The following PTP4A1 variants were observed in gnomAD, a reference collection of about 807,000 sequenced individuals.
The protein encoded by PTP4A1 is protein tyrosine phosphatase 4A1, also known as protein tyrosine phosphatase type IVA 1.
PTP4A1 carries 9 observed loss-of-function variants against 20.5 expected under a neutral mutation model. The observed-to-expected ratio is 0.44, with a 90% CI of 0.26 to 0.77. The LOEUF (loss-of-function observed/expected upper bound fraction) is 0.77, where lower values mean the gene tolerates loss of function less well. PTP4A1 is among the 30% of genes least tolerant of loss of function. The pLI, the probability that PTP4A1 is intolerant of heterozygous loss-of-function variation, is 0.19. For missense variants in PTP4A1, 137 were observed against 218.8 expected (o/e 0.63, Z 2.36); for synonymous variants, 78 against 67.4 (o/e 1.16, Z -0.77).
chr6:63,547,553 T>C (rs1244628911), intron 2 of PTP4A1, among the ~76,000 whole-genome samples: 1 of 144,144 alleles, frequency 6.9e-6, no homozygotes, highest in Non-Finnish European at 1.5e-5. Flanking sequence ...TCGCCCAGGC[T>C]GGAGTGCAGT....
intron 2 of PTP4A1, among the ~76,000 whole-genome samples, chr6:63,530,913 G>T (rs1374207200): frequency 6.6e-6 from 1 of 152,036 alleles, no homozygotes; most frequent in East Asian, 1.9e-4. Flanking sequence ...GATTAGAATG[G>T]TTTCCATACC....
intron 3 of PTP4A1, among the ~76,000 whole-genome samples, chr6:63,552,002 T>C (rs533418035): frequency 6.6e-6 from 1 of 152,308 alleles, no homozygotes; most frequent in African/African-American, 2.4e-5. Flanking sequence ...ACAATAAACA[T>C]ACGTGTGCAT....
intron 2 of PTP4A1, chr6:63,548,701 T>C (rs1007845561): frequency 2.2e-5 from 13 of 600,716 alleles, no homozygotes; most frequent in Non-Finnish European, 3.6e-5. Flanking sequence ...AACTCAACAG[T>C]GTACATTTAA....
At chr6:63,518,478 G>C (rs1211086831), upstream of PTP4A1, among the ~76,000 whole-genome samples, 1 of 152,186 alleles carries the variant, frequency 6.6e-6, no homozygotes, top group Non-Finnish European at 1.5e-5. Flanking sequence ...AGAGGTAAAG[G>C]ATAACAACCA....
intron 3 of PTP4A1, among the ~76,000 whole-genome samples, chr6:63,564,582 CTG>C (rs1450232995): frequency 5.3e-5 from 8 of 152,230 alleles, no homozygotes; most frequent in African/African-American, 1.9e-4. Flanking sequence ...AATGCCAACT[CTG>C]TAAATTAAAC....
chr6:63,563,070 C>T (rs190576707), intron 3 of PTP4A1, among the ~76,000 whole-genome samples: 193 of 152,330 alleles, frequency 1.3e-3, no homozygotes, highest in Non-Finnish European at 2.3e-3. Flanking sequence ...CCTCCACTGT[C>T]CTGATCATAG....
intron 2 of PTP4A1, among the ~76,000 whole-genome samples, chr6:63,539,811 GA>G (rs1024581058): frequency 6.1e-4 from 93 of 151,820 alleles, no homozygotes; most frequent in African/African-American, 2.1e-3. Context: ...GCAATCTTCA[GA>G]AAAAAACTCA....
Position 63,579,342 on chromosome 6 carries a change from G to A in PTP4A1, c.404+11G>A. Reference sequence around the variant, plus strand: ...ACAATTCATAAGACAGTAAGTAATGGATTCTCTTTTCATTTGTACTCTCTT... The same window carrying A: ...ACAATTCATAAGACAGTAAGTAATGAATTCTCTTTTCATTTGTACTCTCTT... On this transcript the variant is annotated intron_variant, in intron 5 of 5. Transcript: ENST00000626021. The A allele has an allele frequency of 6.4e-7, 1 of 1,572,450 alleles. No homozygotes were observed. The highest frequency in any genetic ancestry group is 8.7e-7 in the Non-Finnish European group (1 of 1,152,032).
At chr6:63,546,996 A>G (rs1481133943) in intron 2 of PTP4A1, among the ~76,000 whole-genome samples, 1 of 152,192 alleles carries the variant, frequency 6.6e-6, no homozygotes, top group East Asian at 1.9e-4. Flanking sequence ...TTGATAAAAC[A>G]TTCTTTTTTA....
At chr6:63,546,657 G>A (rs1025050247) in intron 2 of PTP4A1, among the ~76,000 whole-genome samples, 1 of 151,884 alleles carries the variant, frequency 6.6e-6, no homozygotes, top group African/African-American at 2.4e-5. Flanking sequence ...AGTGAGCTGA[G>A]ATCGTGCCAT....
intron 2 of PTP4A1, among the ~76,000 whole-genome samples, chr6:63,532,841 A>C (rs1000100161): frequency 5.3e-5 from 8 of 152,236 alleles, no homozygotes; most frequent in Non-Finnish European, 1.0e-4. Flanking sequence ...TGGAAAAAAA[A>C]ATAGTGCACA....
At chr6:63,544,204 G>T (rs72880893) in intron 2 of PTP4A1, among the ~76,000 whole-genome samples, 3 of 152,068 alleles carry the variant, frequency 2.0e-5, no homozygotes, top group African/African-American at 4.8e-5. Flanking sequence ...AACATTCTTT[G>T]ATGTAATTTG....
intron 2 of PTP4A1, among the ~76,000 whole-genome samples, chr6:63,577,328 C>T (rs1052696771): frequency 9.2e-5 from 14 of 152,114 alleles, no homozygotes; most frequent in African/African-American, 2.7e-4. Context: ...ATGCCATAAA[C>T]CAGTTGGTTT....
At position 63,578,447 on chromosome 6, in the gene PTP4A1, A is replaced by G. The variant is rs777437055; in HGVS notation, c.116A>G (p.Lys39Arg). The change falls in exon 3 of 6, where the codon AAG becomes AGG. Residue 39 changes from lysine (K) to arginine (R), a missense_variant. Lys to Arg is a conservative substitution (Grantham distance 26, BLOSUM62 2). Transcript: ENST00000626021. The part of the protein sequence containing the change: ...TLNKFIEELK[K>R]YGVTTIVRVC... The stretch of plus-strand genomic sequence containing the variant: ...GTACGTTTTATCCAGGAACTTAAGA[A>G]GTATGGAGTTACCACAATAGTAAGA... 1.2e-6 allele frequency: 2 copies of G among 1,606,928 alleles called. No individual in the cohort carries two copies. Among genetic ancestry groups the G allele is most frequent in the African/African-American group, 2.7e-5 (2 of 74,434 alleles).
Position 63,578,991 on chromosome 6 carries a change from T to G in PTP4A1, c.292T>G (p.Cys98Gly), listed in dbSNP as rs1385307626. ...VKIKFREEPG[C>G]CIAVHCVAGL... ...AATTAAGTTTCGTGAAGAACCTGGT[T>G]GTTGTATTGCTGTTCATTGCGTTGC... The change falls in exon 4 of 6, where the codon TGT (cysteine) becomes GGT (glycine). Residue 98 changes from cysteine to glycine, a missense_variant. Physicochemically the swap from Cys to Gly is radical, Grantham distance 159. Coordinates refer to ENST00000626021, the MANE Select transcript of PTP4A1 (RefSeq NM_003463.5). 1 of 1,607,826 alleles carries G rather than the reference T, an allele frequency of 6.2e-7. No homozygotes were observed. The highest frequency in any genetic ancestry group is 8.5e-7 in the Non-Finnish European group (1 of 1,177,680).
chr6:63,557,512 G>A (rs1776743752), intron 3 of PTP4A1, among the ~76,000 whole-genome samples: 1 of 152,086 alleles, frequency 6.6e-6, no homozygotes, highest in African/African-American at 2.4e-5. Flanking sequence ...GTTGCAGTGA[G>A]TCGAGATCGC....
chr6:63,546,667 T>C (rs1031155747), intron 2 of PTP4A1, among the ~76,000 whole-genome samples: 24 of 152,012 alleles, frequency 1.6e-4, no homozygotes, highest in African/African-American at 5.6e-4. Context: ...GATCGTGCCA[T>C]TGTACTCCAG....
At chr6:63,526,018 A>G (rs1775149978) in intron 1 of PTP4A1, among the ~76,000 whole-genome samples, 1 of 152,106 alleles carries the variant, frequency 6.6e-6, no homozygotes, top group Non-Finnish European at 1.5e-5. Context: ...CAACCACTAT[A>G]TTTTATTGCC....
intron 3 of PTP4A1, among the ~76,000 whole-genome samples, chr6:63,552,686 T>C (rs959587121): frequency 6.6e-6 from 1 of 152,250 alleles, no homozygotes; most frequent in Non-Finnish European, 1.5e-5. Flanking sequence ...TTTAAGTCTT[T>C]AATCCATCTT....
Sources: gnomAD v4.1 joint callset for allele counts (sites outside exome capture counted in the v4.1 genomes callset) on GRCh38, gnomAD v4.1.1 for gene constraint, MANE v1.5 for transcripts, NCBI Gene and HGNC (gene_info 2026-07-23, HGNC 2026-07-21) for gene names.